The following C8orf76 variants were observed in gnomAD, a reference collection of about 807,000 sequenced individuals.
C8orf76 encodes uncharacterized protein C8orf76.
In C8orf76, 46 loss-of-function variants were observed where a neutral mutation model predicts 38.1. The ratio of observed to expected loss-of-function variants is 1.21; its 90% confidence interval spans 0.95 to 1.54. The LOEUF (loss-of-function observed/expected upper bound fraction) is 1.54, where lower values mean the gene tolerates loss of function less well. C8orf76 is among the 40% of genes most tolerant of loss of function. C8orf76 has a pLI of 0.00. For missense variants in C8orf76, 461 were observed against 441.6 expected, an observed-to-expected ratio of 1.04 and a Z score of -0.39; for synonymous variants, 166 against 167.5, an observed-to-expected ratio of 0.99 and a Z score of 0.07.
At chr8:123,225,379 C>CAATT (rs1292448663) in intron 5 of C8orf76, among the ~76,000 whole-genome samples, 1 of 152,128 alleles carries the variant, frequency 6.6e-6, no homozygotes, top group Admixed American at 6.6e-5. Context: ...ACCTAGTAGG[C>CAATT]AATTAATCTG....
intron 5 of C8orf76, 55 bp from the exon 6 acceptor site, chr8:123,220,352 A>C: frequency 7.4e-7 from 1 of 1,349,030 alleles, no homozygotes; most frequent in Non-Finnish European, 1.0e-6. Flanking sequence ...GAGACATGGA[A>C]TGCTAGTTAT....
chr8:123,239,525 C>T lies in C8orf76; in HGVS notation c.118-381G>A, dbSNP rs183007529. ...TAATGGCAAAAAACTAGAATTTCAG[C>T]AAAGGAGACAGAAATTAAGGCTAGA... On this transcript the variant is annotated intron_variant, in intron 1 of 5. Transcript: ENST00000276704. 1.5e-3 allele frequency: 248 copies of T among 164,228 alleles called. 1 individual carries two copies. Among genetic ancestry groups the T allele is most frequent in the African/African-American group, 5.8e-3 (244 of 41,876 alleles). 10.2% of individuals were successfully genotyped at this position (164,228 alleles called of 1,614,324 possible). A position where few individuals can be genotyped will look rare whatever the true frequency, so the allele number is the denominator to read the frequency against.
chr8:123,233,990 T>A (rs1228935275), intron 3 of C8orf76, among the ~76,000 whole-genome samples: 1 of 149,660 alleles, frequency 6.7e-6, no homozygotes, highest in Admixed American at 6.7e-5. Context: ...ATCATGCCAC[T>A]GCACTCCAGC....
intron 4 of C8orf76, among the ~76,000 whole-genome samples, chr8:123,229,244 G>A (rs2131143059): frequency 6.6e-6 from 1 of 152,316 alleles, no homozygotes; most frequent in East Asian, 1.9e-4. Context: ...AGAATACAGG[G>A]TCTGGAATCA....
intron 3 of C8orf76, among the ~76,000 whole-genome samples, chr8:123,232,502 T>C (rs1825307934): frequency 1.3e-5 from 2 of 152,224 alleles, no homozygotes; most frequent in Admixed American, 6.5e-5. Flanking sequence ...GGAGAGCAGA[T>C]GGCAGACTCA....
chr8:123,228,524 C>T (rs1194625170), intron 4 of C8orf76, among the ~76,000 whole-genome samples: 1 of 151,994 alleles, frequency 6.6e-6, no homozygotes, highest in Admixed American at 6.6e-5. Flanking sequence ...GAGGCTGAGG[C>T]AGGAGAATTG....
intron 1 of C8orf76, 46 bp downstream of exon 1, chr8:123,241,184 C>CGAGGCCT: frequency 6.6e-7 from 1 of 1,518,408 alleles, no homozygotes; most frequent in Non-Finnish European, 8.8e-7. Context: ...CCGCGGAGGG[C>CGAGGCCT]GAGGCCTGGG....
intron 4 of C8orf76, among the ~76,000 whole-genome samples, chr8:123,230,329 G>A (rs988998681): frequency 6.6e-5 from 10 of 152,168 alleles, no homozygotes; most frequent in African/African-American, 1.9e-4. Context: ...AAATACAAGA[G>A]CTAATTTTCT....
Position 123,239,229 on chromosome 8 carries a change from ATT to A in C8orf76, c.118-87_118-86del. 11 of 1,421,638 alleles carry A rather than the reference ATT, an allele frequency of 7.7e-6. No homozygotes were observed. The Admixed American group carries it at 9.1e-5, about 12-fold the overall frequency. 88.1% of individuals were successfully genotyped at this position (1,421,638 alleles called of 1,614,324 possible). A position where few individuals can be genotyped will look rare whatever the true frequency, so the allele number is the denominator to read the frequency against. On this transcript the variant is annotated intron_variant, in intron 1 of 5. Transcript: ENST00000276704. ...GAAGCAATTTCCCATAATATAATTGATTAAACGTCAAAAAAAGACTTCTTCAA... is the reference window on the plus strand; with the variant it reads ...GAAGCAATTTCCCATAATATAATTGAAAACGTCAAAAAAAGACTTCTTCAA...
At chr8:123,231,988 C>T (rs1825288124) in intron 3 of C8orf76, among the ~76,000 whole-genome samples, 1 of 152,188 alleles carries the variant, frequency 6.6e-6, no homozygotes, top group Admixed American at 6.5e-5. Context: ...ATCCTAATGT[C>T]ATAATAACTT....
intron 3 of C8orf76, chr8:123,237,147 AC>A (rs1825524599): frequency 2.5e-6 from 2 of 802,838 alleles, no homozygotes; most frequent in Non-Finnish European, 4.3e-6. Context: ...CGCCTGCACC[AC>A]CCCGTGCTGT....
Position 123,237,946 on chromosome 8 carries a change from A to G in C8orf76, c.214-5T>C. On this transcript the variant is annotated splice_region_variant and splice_polypyrimidine_tract_variant and intron_variant, in intron 2 of 5. Transcript: ENST00000276704. ...GGAATACTCCTGCAGTGCTTTCTGG[A>G]AATTATTTGTTAAATAAAGAAATGA... is the stretch of plus-strand genomic sequence containing the variant. 1 of 1,601,550 alleles carries G rather than the reference A, an allele frequency of 6.2e-7. No homozygotes were observed. The highest frequency in any genetic ancestry group is 1.1e-5 in the South Asian group (1 of 88,188).
rs756242805 is a variant in C8orf76 at position 123,237,937 on chromosome 8, G to C, written c.218C>G (p.Ala73Gly). 4.4e-6 allele frequency: 7 copies of C among 1,602,446 alleles called. No homozygotes were observed. In the South Asian group the frequency reaches 6.8e-5, roughly 16 times the overall value. The change falls in exon 3 of 6, where the codon GCA becomes GGA. Residue 73 changes from alanine (A) to glycine (G), a missense_variant. Physicochemically the swap from Ala to Gly is moderately conservative, Grantham distance 60. Coordinates refer to ENST00000276704, the MANE Select transcript of C8orf76 (RefSeq NM_032847.3). The stretch of plus-strand genomic sequence containing the variant: ...AGAGATACTGGAATACTCCTGCAGT[G>C]CTTTCTGGAAATTATTTGTTAAATA... ...LAYRRQEYQK[A>G]LQEYSSISEK...
At chr8:123,220,509 A>T (rs1187206013) in intron 5 of C8orf76, among the ~76,000 whole-genome samples, 1 of 152,220 alleles carries the variant, frequency 6.6e-6, no homozygotes, top group Non-Finnish European at 1.5e-5. Flanking sequence ...TGATCTCAGA[A>T]GTAGTTATCC....
chr8:123,225,973 T>C (rs943219359), intron 5 of C8orf76, among the ~76,000 whole-genome samples: 1 of 151,048 alleles, frequency 6.6e-6, no homozygotes, highest in Admixed American at 6.6e-5. Flanking sequence ...TTAAAAAAAA[T>C]TACCTTTGAA....
chr8:123,230,869 C>T (rs1240934083), intron 4 of C8orf76, among the ~76,000 whole-genome samples: 2 of 152,132 alleles, frequency 1.3e-5, no homozygotes, highest in Non-Finnish European at 2.9e-5. Flanking sequence ...AGGCTGGTCT[C>T]GATCTTCTGA....
intron 3 of C8orf76, among the ~76,000 whole-genome samples, chr8:123,234,887 G>A (rs1362294002): frequency 4.0e-5 from 6 of 148,350 alleles, no homozygotes; most frequent in East Asian, 2.0e-4. Context: ...GCTTGAACCT[G>A]GGAGGAGGAG....
intron 1 of C8orf76, 139 bp from the exon 2 acceptor site, chr8:123,239,283 C>T (rs182477788): frequency 1.0e-5 from 9 of 858,788 alleles, no homozygotes; most frequent in African/African-American, 1.7e-5. Context: ...GTCTTGAACT[C>T]CTGAGCACAA....
intron 3 of C8orf76, among the ~76,000 whole-genome samples, chr8:123,234,367 G>A (rs1825384164): frequency 6.6e-6 from 1 of 152,134 alleles, no homozygotes; most frequent in African/African-American, 2.4e-5. Flanking sequence ...AGGCAAGGTG[G>A]CTCACCCCTG....
Sources: allele counts gnomAD v4.1 joint callset (sites outside exome capture counted in the v4.1 genomes callset), GRCh38; gene constraint gnomAD v4.1.1; transcripts MANE v1.5; gene names NCBI Gene and HGNC (gene_info 2026-07-23, HGNC 2026-07-21).